TET3: variants seen among roughly 807,000 people sequenced by gnomAD.
The protein encoded by TET3 is tet methylcytosine dioxygenase 3, also known as methylcytosine dioxygenase TET3.
A neutral mutation model predicts 141.4 loss-of-function variants in TET3; 19 were observed. The ratio of observed to expected loss-of-function variants is 0.13; its 90% confidence interval spans 0.09 to 0.20. The LOEUF (loss-of-function observed/expected upper bound fraction) is 0.20. TET3 is among the 10% of genes least tolerant of loss of function. The probability of loss-of-function intolerance (pLI) is 1.00; values close to 1 mark genes in which losing one functional copy is unlikely to be tolerated. For missense variants in TET3, 1,874 were observed against 2,356.9 expected (o/e 0.80, Z 4.24); for synonymous variants, 1,043 against 980.9 (o/e 1.06, Z -1.18).
At chr2:74,127,762 C>T in the TET3 span, among the ~76,000 whole-genome samples, 1 of 151,582 alleles carries the variant, frequency 6.6e-6, no homozygotes, top group African/African-American at 2.4e-5. Flanking sequence ...TTGTATAGGG[C>T]ACGGGAGAAG....
At chr2:74,112,008 T>C (rs1272113216), downstream of TET3, among the ~76,000 whole-genome samples, 1 of 152,228 alleles carries the variant, frequency 6.6e-6, no homozygotes, top group Non-Finnish European at 1.5e-5. Flanking sequence ...GGTATTGTTA[T>C]TTGAAAGACT....
chr2:74,098,489 T>C (rs540029296), intron 10 of TET3, among the ~76,000 whole-genome samples: 72 of 152,350 alleles, frequency 4.7e-4, no homozygotes, highest in African/African-American at 1.7e-3. Context: ...GTGACCGTGA[T>C]ATTTAAAGTG....
chr2:74,031,474 G>A (rs561797521), intron 3 of TET3, among the ~76,000 whole-genome samples: 1 of 152,290 alleles, frequency 6.6e-6, no homozygotes, highest in South Asian at 2.1e-4. Context: ...CAGATTACTG[G>A]CATCTTTCAG....
chr2:74,036,397 A>C (rs1010841841), intron 3 of TET3, among the ~76,000 whole-genome samples: 3 of 152,246 alleles, frequency 2.0e-5, no homozygotes, highest in Non-Finnish European at 2.9e-5. Flanking sequence ...TGAAGAAGAA[A>C]TATAAAATTT....
At chr2:74,010,771 T>A (rs6546884) in intron 3 of TET3, among the ~76,000 whole-genome samples, 59,505 of 152,096 alleles carry the variant, frequency 0.39, 14,465 homozygotes, top group African/African-American at 0.69. Flanking sequence ...GATAATTTTA[T>A]TGATCAATAC....
chr2:74,082,099 A>G (rs1369521652), intron 6 of TET3, among the ~76,000 whole-genome samples: 3 of 152,226 alleles, frequency 2.0e-5, no homozygotes, highest in Non-Finnish European at 2.9e-5. Context: ...AGTCTTGGAC[A>G]TAAAAATGAA....
chr2:74,034,170 AAAAC>A (rs1686901706), intron 3 of TET3, among the ~76,000 whole-genome samples: 3 of 151,704 alleles, frequency 2.0e-5, no homozygotes, highest in Admixed American at 2.0e-4. Flanking sequence ...TTAAAAAAAA[AAAAC>A]AACAAACCAC....
intron 3 of TET3, among the ~76,000 whole-genome samples, chr2:74,040,250 CAT>C (rs886696501): frequency 5.3e-5 from 8 of 151,742 alleles, no homozygotes; most frequent in South Asian, 4.2e-4. Flanking sequence ...TGCATGCACA[CAT>C]ATGTGTGGTC....
At chr2:74,055,420 T>C (rs1177248493) in intron 4 of TET3, among the ~76,000 whole-genome samples, 2 of 152,208 alleles carry the variant, frequency 1.3e-5, no homozygotes, top group Non-Finnish European at 2.9e-5. Context: ...CACAGGCAGC[T>C]GACCTGAGAT....
Position 74,101,955 on chromosome 2 carries a change from C to G in TET3, c.5167C>G (p.Arg1723Gly). The G allele has an allele frequency of 6.2e-7, 1 of 1,610,444 alleles. No individual in the cohort carries two copies. The highest frequency in any genetic ancestry group is 8.5e-7 in the Non-Finnish European group (1 of 1,177,682). Reference sequence around the variant, plus strand: ...GCAGCTGGCGGAGAGGGCACGGGCACGGCAGGAGGAGGCTGCCCGGCTGGG... The same window carrying G: ...GCAGCTGGCGGAGAGGGCACGGGCAGGGCAGGAGGAGGCTGCCCGGCTGGG... ...MKQLAERARA[R>G]QEEAARLGLG... The change falls in exon 12 of 12, where the codon CGG becomes GGG. Residue 1723 changes from arginine to glycine, a missense_variant. Arg to Gly is a moderately radical substitution (Grantham distance 125). This residue lies in a region of TET3 where 113 missense variants were observed against 114.3 expected (regional missense o/e 0.99). Transcript: ENST00000409262. This position sits in a 1 kb window ranked among gnomAD's most constrained non-coding sequence, Gnocchi z 8.5.
intron 3 of TET3, among the ~76,000 whole-genome samples, chr2:74,043,312 A>G (rs1210533433): frequency 6.6e-6 from 1 of 152,162 alleles, no homozygotes; most frequent in African/African-American, 2.4e-5. Flanking sequence ...GGTCAGGGAA[A>G]AGCTGATATA....
At chr2:74,108,767 TCCTCCTG>T (rs1372135393), downstream of TET3, among the ~76,000 whole-genome samples, 1 of 152,176 alleles carries the variant, frequency 6.6e-6, no homozygotes, top group East Asian at 1.9e-4. Context: ...TCTTCCTCCT[TCCTCCTG>T]CATGAAACAT....
chr2:74,093,846 A>G lies in TET3; in HGVS notation c.3267+180A>G, dbSNP rs1263841116. Among the ~76,000 whole-genome samples the G allele has an allele frequency of 6.6e-6, 1 of 152,212 alleles. No homozygotes were observed. The highest frequency in any genetic ancestry group is 1.5e-5 in the Non-Finnish European group (1 of 68,030). ...CCCACCTCCCAGAGAAAACCTCACC[A>G]GAAAACCCTTGAACAGACAAGGCTG... On this transcript the variant is annotated intron_variant, in intron 10 of 11. Transcript: ENST00000409262. The surrounding 1 kb of genome is among the most constrained non-coding windows in gnomAD (Gnocchi z 4.2).
intron 4 of TET3, among the ~76,000 whole-genome samples, chr2:74,071,157 G>A (rs973989865): frequency 6.6e-5 from 10 of 152,178 alleles, no homozygotes; most frequent in African/African-American, 2.4e-4. Context: ...AGGGAAAGGG[G>A]AAGCAAGCTC....
chr2:74,061,056 G>C lies in TET3; in HGVS notation c.2495-12493G>C, dbSNP rs998703150. On this transcript the variant is annotated intron_variant, in intron 4 of 11. Transcript: ENST00000409262. ...ACACCTCCCAGACGGGGTGGTGGCC[G>C]GGCAGAGGGGCTCCTCACTTCCCAG... Among the ~76,000 whole-genome samples, 8 of 151,288 alleles carry C rather than the reference G, an allele frequency of 5.3e-5. No homozygotes were observed. The South Asian group carries it at 1.7e-3, about 32-fold the overall frequency.
chr2:74,004,799 G>T (rs1292832803), intron 3 of TET3, among the ~76,000 whole-genome samples: 1 of 152,164 alleles, frequency 6.6e-6, no homozygotes, highest in Non-Finnish European at 1.5e-5. Flanking sequence ...GAACCCCCAG[G>T]TTCCACCTCT....
At chr2:74,011,266 T>C (rs914649399) in intron 3 of TET3, among the ~76,000 whole-genome samples, 2 of 150,820 alleles carry the variant, frequency 1.3e-5, no homozygotes, top group Non-Finnish European at 1.5e-5. Context: ...AATTGAAGTA[T>C]AGTATACACA....
At chr2:74,084,019 TAG>T (rs1689976315) in intron 6 of TET3, among the ~76,000 whole-genome samples, 1 of 152,158 alleles carries the variant, frequency 6.6e-6, no homozygotes, top group Non-Finnish European at 1.5e-5. Flanking sequence ...GGCAATCACG[TAG>T]AGAGTTCTAA....
chr2:74,113,023 A>C (rs1278311760), downstream of TET3, among the ~76,000 whole-genome samples: 1 of 149,968 alleles, frequency 6.7e-6, no homozygotes, highest in Non-Finnish European at 1.5e-5. Flanking sequence ...AAAAAAAAAA[A>C]AAAAAAAAAA....
Sources: gnomAD v4.1 joint callset for allele counts (sites outside exome capture counted in the v4.1 genomes callset) on GRCh38, gnomAD v4.1.1 for gene constraint, gnomAD v4.1.1 regional missense constraint, Gnocchi (gnomAD v3.1) non-coding constraint, MANE v1.5 for transcripts, NCBI Gene and HGNC (gene_info 2026-07-23, HGNC 2026-07-21) for gene names.